Variants in GRIA3 observed in about 807,000 individuals in gnomAD.
GRIA3 encodes glutamate receptor 3.
GRIA3 carries 3 observed loss-of-function variants against 63.0 expected under a neutral mutation model. The observed-to-expected ratio is 0.05, with a 90% CI of 0.02 to 0.12. GRIA3 has a LOEUF of 0.12. Ranked by LOEUF, GRIA3 falls within the 10% of genes least tolerant of loss-of-function variation. GRIA3 has a pLI of 1.00. For synonymous variants in GRIA3, 274 were observed against 257.9 expected, an observed-to-expected ratio of 1.06 and a Z score of -0.60; for missense variants, 347 against 700.9, an observed-to-expected ratio of 0.50 and a Z score of 5.70.
chrX:123,278,085 C>T (rs141515699), intron 3 of GRIA3, among the ~76,000 whole-genome samples: 221 of 112,132 alleles, frequency 2.0e-3, no homozygotes, highest in African/African-American at 6.3e-3. Flanking sequence ...AACGTTTCAA[C>T]GATCACAGAT....
At position 123,215,291 on chromosome X, in the gene GRIA3, A is replaced by G. The variant is rs1427971662; in HGVS notation, c.268+29301A>G. Among the ~76,000 whole-genome samples, 3 of 112,084 alleles carry G rather than the reference A, an allele frequency of 2.7e-5. No individual in the cohort carries two copies. In the Admixed American group the frequency reaches 2.8e-4, roughly 11 times the overall value. On this transcript the variant is annotated intron_variant, in intron 2 of 15. Coordinates refer to ENST00000620443, the MANE Select transcript of GRIA3 (RefSeq NM_007325.5). ...ACTTGCTAAGCTGTAGGACTTTAGCAAAACCACTTTACCTCTCTGACTTAG... is the reference window on the plus strand; with the variant it reads ...ACTTGCTAAGCTGTAGGACTTTAGCGAAACCACTTTACCTCTCTGACTTAG...
rs1325412941 is a variant in GRIA3, at chrX:123,403,065, T to C, written c.1152T>C (p.Asp384=). The C allele has an allele frequency of 8.6e-7, 1 of 1,158,598 alleles. No individual in the cohort carries two copies. Among genetic ancestry groups the C allele is most frequent in the South Asian group, 1.8e-5 (1 of 55,802 alleles). ...GACGTAGGACAAATTATACCATCGA[T>C]GTGTATGAAATGAAAGTCAGTGGCT... ...TYGRRTNYTI[D]VYEMKVSGSR... The change falls in exon 8 of 16, where the codon GAT becomes GAC. Residue 384 remains aspartate, a synonymous_variant. Coordinates refer to ENST00000620443, the MANE Select transcript of GRIA3 (RefSeq NM_007325.5).
rs180800200 is a variant in GRIA3 at position 123,479,118 on chromosome X, G to A, written c.2325-945G>A. Among the ~76,000 whole-genome samples, 402 of 112,903 alleles carry A rather than the reference G, an allele frequency of 3.6e-3. 1 individual carries two copies. Among genetic ancestry groups the A allele is most frequent in the African/African-American group, 0.013 (392 of 31,137 alleles). ...TAAGGAGCAGTGGCCTGGCCTCCTGGGGATATGTACTAGCCTCTTAGTTGA... is the reference window on the plus strand; with the variant it reads ...TAAGGAGCAGTGGCCTGGCCTCCTGAGGATATGTACTAGCCTCTTAGTTGA... On this transcript the variant is annotated intron_variant, in intron 13 of 15. Coordinates refer to ENST00000620443, the MANE Select transcript of GRIA3 (RefSeq NM_007325.5).
intron 3 of GRIA3, among the ~76,000 whole-genome samples, chrX:123,277,014 C>A (rs747700984): frequency 9.0e-6 from 1 of 111,435 alleles, no homozygotes; most frequent in East Asian, 2.8e-4. Context: ...ACATTTCTAT[C>A]ATTGCATTTT....
chrX:123,230,532 A>G (rs1291028956), intron 2 of GRIA3, among the ~76,000 whole-genome samples: 2 of 111,498 alleles, frequency 1.8e-5, no homozygotes, highest in African/African-American at 6.5e-5. Context: ...ATTTATGGGC[A>G]TATAGGAGCA....
intron 10 of GRIA3, among the ~76,000 whole-genome samples, chrX:123,416,339 T>C (rs942153606): frequency 1.9e-4 from 21 of 111,823 alleles, no homozygotes; most frequent in Non-Finnish European, 3.2e-4. Flanking sequence ...GGCATTACTG[T>C]TCTGAACATA....
intron 3 of GRIA3, among the ~76,000 whole-genome samples, chrX:123,282,316 C>G (rs948433727): frequency 5.3e-5 from 6 of 112,462 alleles, no homozygotes; most frequent in African/African-American, 1.9e-4. Context: ...TCCTCTTTCC[C>G]TTCACTGCCC....
intron 2 of GRIA3, chrX:123,204,484 T>A: frequency 5.2e-6 from 6 of 1,164,206 alleles, no homozygotes; most frequent in Non-Finnish European, 6.9e-6. Flanking sequence ...TGAGTGAGCA[T>A]CATGGAGGGA....
At chrX:123,345,858 T>A (rs1421649896) in intron 4 of GRIA3, among the ~76,000 whole-genome samples, 1 of 110,668 alleles carries the variant, frequency 9.0e-6, no homozygotes, top group African/African-American at 3.3e-5. Context: ...GGAGGTTGCA[T>A]ATGACCTGCG....
intron 3 of GRIA3, among the ~76,000 whole-genome samples, chrX:123,322,798 C>T (rs983287571): frequency 3.6e-5 from 4 of 112,033 alleles, no homozygotes; most frequent in East Asian, 2.8e-4. Context: ...TATTCAGCCA[C>T]GGTTCTGACT....
At chrX:123,452,910 A>G (rs1390000089) in intron 12 of GRIA3, among the ~76,000 whole-genome samples, 1 of 111,743 alleles carries the variant, frequency 8.9e-6, no homozygotes. Context: ...CTGTCTTGAA[A>G]ATAGGTTCTG....
At chrX:123,324,769 C>T (rs908007253) in intron 3 of GRIA3, among the ~76,000 whole-genome samples, 4 of 111,662 alleles carry the variant, frequency 3.6e-5, no homozygotes, top group Non-Finnish European at 5.6e-5. Context: ...TCATAATGAC[C>T]GGCTGAGTCA....
chrX:123,400,593 T>C (rs981844131), intron 7 of GRIA3, among the ~76,000 whole-genome samples: 5 of 112,022 alleles, frequency 4.5e-5, no homozygotes, highest in African/African-American at 1.6e-4. Context: ...TGTTTCTCAA[T>C]AAATTATTCT....
intron 12 of GRIA3, among the ~76,000 whole-genome samples, chrX:123,451,369 G>A (rs2045729414): frequency 9.3e-6 from 1 of 107,003 alleles, no homozygotes; most frequent in African/African-American, 3.4e-5. Flanking sequence ...AGCTGGATGA[G>A]GTGGCACATG....
At chrX:123,383,727 T>C (rs954440743) in intron 5 of GRIA3, among the ~76,000 whole-genome samples, 6 of 111,385 alleles carry the variant, frequency 5.4e-5, no homozygotes, top group African/African-American at 2.0e-4. Context: ...TTATTTTTGG[T>C]TCAAGGGTAC....
chrX:123,482,658 T>C (rs1192394338), intron 14 of GRIA3, 141 bp from the exon 15 acceptor site: 1 of 671,513 alleles, frequency 1.5e-6, no homozygotes, highest in South Asian at 2.4e-5. Context: ...CATTAGCCAG[T>C]TGCCAGAATT....
At chrX:123,215,102 C>T (rs1319350373) in intron 2 of GRIA3, among the ~76,000 whole-genome samples, 1 of 112,025 alleles carries the variant, frequency 8.9e-6, no homozygotes, top group Non-Finnish European at 1.9e-5. Flanking sequence ...ATTGATAGTT[C>T]GCCAATCTAA....
intron 5 of GRIA3, among the ~76,000 whole-genome samples, chrX:123,366,359 T>C (rs1569425641): frequency 1.8e-5 from 2 of 111,290 alleles, no homozygotes; most frequent in Admixed American, 1.9e-4. Context: ...TTCTCCTTCG[T>C]AGAAGGATGA....
intron 3 of GRIA3, among the ~76,000 whole-genome samples, chrX:123,265,833 C>G (rs1405633956): frequency 8.9e-6 from 1 of 112,279 alleles, no homozygotes; most frequent in Admixed American, 9.4e-5. Flanking sequence ...GCCCTGAACC[C>G]TTTCAGGACC....
Sources: allele counts gnomAD v4.1 joint callset (sites outside exome capture counted in the v4.1 genomes callset), GRCh38; gene constraint gnomAD v4.1.1; transcripts MANE v1.5; gene names NCBI Gene and HGNC (gene_info 2026-07-23, HGNC 2026-07-21).